Variants in NALF1 observed in about 807,000 individuals in gnomAD.
NALF1 encodes the protein NALCN channel auxiliary factor 1.
NALF1 carries 3 observed loss-of-function variants against 48.4 expected under a neutral mutation model. The observed-to-expected ratio is 0.06, with a 90% CI of 0.03 to 0.16. The LOEUF is 0.16. Ranked by LOEUF, NALF1 falls within the 10% of genes least tolerant of loss-of-function variation. The pLI is 1.00. For synonymous variants in NALF1, 262 were observed against 245.7 expected, an observed-to-expected ratio of 1.07 and a Z score of -0.62; for missense variants, 526 against 571.5, an observed-to-expected ratio of 0.92 and a Z score of 0.81.
chr13:107,733,743 A>T (rs1876382193), intron 1 of NALF1, among the ~76,000 whole-genome samples: 1 of 152,176 alleles, frequency 6.6e-6, no homozygotes, highest in South Asian at 2.1e-4. Flanking sequence ...AGTGAATCTT[A>T]ATTTATTTAG....
chr13:107,510,927 T>A (rs2139087236), intron 1 of NALF1, among the ~76,000 whole-genome samples: 1 of 152,250 alleles, frequency 6.6e-6, no homozygotes, highest in South Asian at 2.1e-4. Context: ...TTATTAAGAT[T>A]CTCCAGTTAT....
At chr13:107,420,010 G>A (rs933447252) in intron 1 of NALF1, among the ~76,000 whole-genome samples, 11 of 152,120 alleles carry the variant, frequency 7.2e-5, no homozygotes, top group Admixed American at 5.9e-4. Context: ...AAAAATGGAA[G>A]TGACTCTGGG....
At chr13:107,335,652 G>A (rs901736750) in intron 1 of NALF1, among the ~76,000 whole-genome samples, 25 of 152,116 alleles carry the variant, frequency 1.6e-4, no homozygotes, top group African/African-American at 6.0e-4. Context: ...TTAACCTCCA[G>A]CAAGGCATTT....
chr13:107,381,560 C>T (rs1008906473), intron 1 of NALF1, among the ~76,000 whole-genome samples: 2 of 151,996 alleles, frequency 1.3e-5, no homozygotes, highest in African/African-American at 2.4e-5. Context: ...ACGCACCGCC[C>T]CACCACCCCA....
At chr13:107,853,383 C>T (rs1384318838) in intron 1 of NALF1, among the ~76,000 whole-genome samples, 1 of 152,148 alleles carries the variant, frequency 6.6e-6, no homozygotes. Context: ...TAAATCTTTG[C>T]ATATTTGTAT....
chr13:107,505,488 A>G (rs1452882770), intron 1 of NALF1, among the ~76,000 whole-genome samples: 1 of 152,138 alleles, frequency 6.6e-6, no homozygotes, highest in African/African-American at 2.4e-5. Context: ...GAGCTGCTAG[A>G]GGCTGATTTA....
chr13:107,418,112 T>C (rs1884122505), intron 1 of NALF1, among the ~76,000 whole-genome samples: 1 of 152,138 alleles, frequency 6.6e-6, no homozygotes, highest in Admixed American at 6.5e-5. Context: ...AGAAGACATT[T>C]TTCTATTCAC....
chr13:107,214,052 C>A (rs1490465283), intron 1 of NALF1, among the ~76,000 whole-genome samples: 1 of 152,196 alleles, frequency 6.6e-6, no homozygotes, highest in Non-Finnish European at 1.5e-5. Flanking sequence ...ATACAATGAG[C>A]TATCTTCAAA....
At chr13:107,309,688 GT>G (rs1882007746) in intron 1 of NALF1, among the ~76,000 whole-genome samples, 1 of 152,192 alleles carries the variant, frequency 6.6e-6, no homozygotes, top group South Asian at 2.1e-4. Flanking sequence ...CCCATTTGGT[GT>G]GATTATTCTC....
intron 1 of NALF1, among the ~76,000 whole-genome samples, chr13:107,427,569 GA>G (rs1407367217): frequency 1.1e-4 from 16 of 151,802 alleles, no homozygotes; most frequent in African/African-American, 1.9e-4. Context: ...TTCATGGGAA[GA>G]AAAAAAGAAA....
rs778641039 is a variant in NALF1, at chr13:107,726,100, G to A, written c.915+139582C>T. On this transcript the variant is annotated intron_variant, in intron 1 of 2. Transcript: ENST00000375915. ...CTATGACCTATTTCTCTGTCATCTA[G>A]GGCTTACTGCCAGTTATTCAGTCTT... Among the ~76,000 whole-genome samples the A allele has an allele frequency of 4.4e-4, 67 of 152,016 alleles. 1 individual carries two copies. Among genetic ancestry groups the A allele is most frequent in the Admixed American group, 9.2e-4 (14 of 15,246 alleles).
rs138167570 is a variant in NALF1, at chr13:107,368,673, T to C, written c.916-157918A>G. ...TCTTCTCTTCCACCTGTGTCTCTTA[T>C]AAGGACATTTGTGATTACATTTAGG... is the stretch of plus-strand genomic sequence containing the variant. On this transcript the variant is annotated intron_variant, in intron 1 of 2. Transcript: ENST00000375915. 6.5e-3 allele frequency among the ~76,000 whole-genome samples: 993 copies of C among 152,316 alleles called. 14 individuals carry two copies. The highest frequency in any genetic ancestry group is 0.023 in the African/African-American group (953 of 41,574).
At chr13:107,811,245 T>C (rs1238558238) in intron 1 of NALF1, among the ~76,000 whole-genome samples, 1 of 152,160 alleles carries the variant, frequency 6.6e-6, no homozygotes, top group Non-Finnish European at 1.5e-5. Flanking sequence ...TAGTGTACAA[T>C]TTCATACTTG....
intron 1 of NALF1, among the ~76,000 whole-genome samples, chr13:107,223,259 T>C (rs1286379746): frequency 6.6e-6 from 1 of 152,116 alleles, no homozygotes; most frequent in Non-Finnish European, 1.5e-5. Context: ...AGTTGTTAAA[T>C]ATATATGTAT....
In NALF1 at chr13:107,452,695, C is replaced by A. The variant is rs529437512; in HGVS notation, c.916-241940G>T. ...CATTTCAAAACCAATCATGCCTTCC[C>A]AACTGTCCCCCAAATTCTTAATTCA... On this transcript the variant is annotated intron_variant, in intron 1 of 2. Coordinates refer to ENST00000375915, the MANE Select transcript of NALF1 (RefSeq NM_001080396.3). 5.3e-5 allele frequency among the ~76,000 whole-genome samples: 8 copies of A among 152,266 alleles called. 1 individual carries two copies. In the South Asian group the frequency reaches 1.7e-3, roughly 32 times the overall value.
At chr13:107,785,581 A>G (rs1196723132) in intron 1 of NALF1, among the ~76,000 whole-genome samples, 1 of 152,146 alleles carries the variant, frequency 6.6e-6, no homozygotes, top group Admixed American at 6.5e-5. Context: ...ATAAAAGATT[A>G]CAAATAGCAT....
intron 1 of NALF1, among the ~76,000 whole-genome samples, chr13:107,262,757 T>C (rs910247339): frequency 1.6e-5 from 2 of 127,980 alleles, no homozygotes; most frequent in Non-Finnish European, 3.2e-5. Context: ...TTAAGTTGCA[T>C]AACCCACAGG....
chr13:107,739,765 G>A (rs1876578444), intron 1 of NALF1, among the ~76,000 whole-genome samples: 1 of 152,168 alleles, frequency 6.6e-6, no homozygotes, highest in South Asian at 2.1e-4. Flanking sequence ...TGTATTTCCA[G>A]CTGCTTCCCA....
intron 1 of NALF1, among the ~76,000 whole-genome samples, chr13:107,431,189 C>G (rs1884375563): frequency 6.6e-6 from 1 of 152,136 alleles, no homozygotes; most frequent in Non-Finnish European, 1.5e-5. Context: ...TCTAGTTACT[C>G]TACTGCTTTC....
Sources: allele counts gnomAD v4.1 joint callset (sites outside exome capture counted in the v4.1 genomes callset), GRCh38; gene constraint gnomAD v4.1.1; transcripts MANE v1.5; gene names NCBI Gene and HGNC (gene_info 2026-07-23, HGNC 2026-07-21).